CTNNA2: variants seen among roughly 807,000 people sequenced by gnomAD.
CTNNA2 encodes the protein catenin alpha 2, also known as catenin alpha-2.
In CTNNA2, 42 loss-of-function variants were observed where a neutral mutation model predicts 101.0. The ratio of observed to expected loss-of-function variants is 0.42; its 90% CI spans 0.32 to 0.54. CTNNA2 has a LOEUF of 0.54. CTNNA2 is among the 20% of genes least tolerant of loss of function. The pLI is 0.14. For missense variants in CTNNA2, 871 were observed against 1,223.1 expected, an observed-to-expected ratio of 0.71 and a Z score of 4.29; for synonymous variants, 450 against 456.4, an observed-to-expected ratio of 0.99 and a Z score of 0.18.
At chr2:79,445,085 C>T (rs1012483016) in intron 4 of CTNNA2, among the ~76,000 whole-genome samples, 1 of 152,126 alleles carries the variant, frequency 6.6e-6, no homozygotes, top group Non-Finnish European at 1.5e-5. Context: ...GCTAGACAGG[C>T]AGGGTTGAGA....
At chr2:79,766,067 G>A (rs1030549048) in intron 3 of CTNNA2, among the ~76,000 whole-genome samples, 23 of 152,094 alleles carry the variant, frequency 1.5e-4, no homozygotes, top group African/African-American at 5.1e-4. Flanking sequence ...TTTACACACC[G>A]CAGTCAGTGT....
intron 7 of CTNNA2, among the ~76,000 whole-genome samples, chr2:80,052,998 A>T (rs1453808478): frequency 6.6e-6 from 1 of 151,936 alleles, no homozygotes; most frequent in African/African-American, 2.4e-5. Flanking sequence ...TTCCTGCTTC[A>T]TTTGTTCCTT....
At chr2:79,282,816 C>A (rs1339705853) in intron 2 of CTNNA2, among the ~76,000 whole-genome samples, 1 of 109,788 alleles carries the variant, frequency 9.1e-6, no homozygotes, top group South Asian at 3.4e-4. Flanking sequence ...AGTTCTAGAT[C>A]CCTGAGGAAT....
intron 9 of CTNNA2, among the ~76,000 whole-genome samples, chr2:80,423,228 AACTT>A (rs1680691988): frequency 6.6e-6 from 1 of 151,882 alleles, no homozygotes; most frequent in Non-Finnish European, 1.5e-5. Context: ...CTTCCAGTAA[AACTT>A]ACTTCTTCTT....
chr2:80,492,074 C>T (rs776381907), intron 9 of CTNNA2, among the ~76,000 whole-genome samples: 7 of 152,066 alleles, frequency 4.6e-5, no homozygotes, highest in Non-Finnish European at 1.0e-4. Context: ...ACCCAAATCT[C>T]ATGTTGAATT....
chr2:80,359,962 T>C (rs1258609260), intron 7 of CTNNA2, among the ~76,000 whole-genome samples: 1 of 152,184 alleles, frequency 6.6e-6, no homozygotes, highest in African/African-American at 2.4e-5. Context: ...ATTTAATCTG[T>C]CAGTAAATTT....
intron 3 of CTNNA2, among the ~76,000 whole-genome samples, chr2:79,810,252 C>G (rs1226631200): frequency 6.6e-6 from 1 of 151,980 alleles, no homozygotes; most frequent in Admixed American, 6.6e-5. Flanking sequence ...GGTGGGGAGG[C>G]CTCACAATCA....
rs558535520 is a variant in CTNNA2 at position 80,585,297 on chromosome 2, G to T, written c.2007+3478G>T. On this transcript the variant is annotated intron_variant, in intron 14 of 18. Coordinates refer to ENST00000402739, the MANE Select transcript of CTNNA2 (RefSeq NM_001282597.3). ...GTGATTTTCACTTTTAGTGTAATAG[G>T]TATAGTTTATAACAATCACCGAAAA... Among the ~76,000 whole-genome samples, 115 of 152,182 alleles carry T rather than the reference G, an allele frequency of 7.6e-4. 1 individual carries two copies. The South Asian group carries it at 0.023, about 31-fold the overall frequency.
chr2:80,280,469 C>G (rs955719783), intron 7 of CTNNA2, among the ~76,000 whole-genome samples: 1 of 151,652 alleles, frequency 6.6e-6, no homozygotes, highest in Non-Finnish European at 1.5e-5. Context: ...ACATTTCAAT[C>G]AAATATTTCA....
intron 2 of CTNNA2, among the ~76,000 whole-genome samples, chr2:79,679,633 A>T (rs1231930851): frequency 6.6e-6 from 1 of 151,924 alleles, no homozygotes; most frequent in Non-Finnish European, 1.5e-5. Flanking sequence ...GACACCGCCC[A>T]GGGGAGTTAG....
chr2:79,821,235 G>A (rs1452600800), intron 3 of CTNNA2, among the ~76,000 whole-genome samples: 4 of 151,824 alleles, frequency 2.6e-5, no homozygotes, highest in African/African-American at 9.7e-5. Flanking sequence ...TTTAGATGAA[G>A]CCTTGCTCTG....
chr2:79,509,522 C>A (rs207461944), upstream of CTNNA2, among the ~76,000 whole-genome samples: 1 of 152,146 alleles, frequency 6.6e-6, no homozygotes, highest in African/African-American at 2.4e-5. Flanking sequence ...CTACATATTG[C>A]ATGACCCCAA....
intron 7 of CTNNA2, among the ~76,000 whole-genome samples, chr2:80,100,086 T>A (rs548309575): frequency 5.3e-5 from 8 of 151,230 alleles, no homozygotes; most frequent in African/African-American, 2.0e-4. Flanking sequence ...CCTGCCCCTA[T>A]GCCCAGCTAC....
chr2:79,885,125 A>G (rs1683755344), intron 6 of CTNNA2, among the ~76,000 whole-genome samples: 1 of 152,126 alleles, frequency 6.6e-6, no homozygotes, highest in Non-Finnish European at 1.5e-5. Flanking sequence ...AAGAGGTTGC[A>G]GGACCTTTGA....
In CTNNA2 at chr2:80,022,117, A is replaced by G. The variant is rs376848700; in HGVS notation, c.1056+112320A>G. On this transcript the variant is annotated intron_variant, in intron 7 of 18. Transcript: ENST00000402739. ...ATTTTCAAAGCATAAGTGTAAAGAA[A>G]CCTGCAGCTATAGTGCTGACAGCAC... 1.2e-4 allele frequency among the ~76,000 whole-genome samples: 18 copies of G among 152,316 alleles called. No individual in the cohort carries two copies. In the East Asian group the frequency reaches 2.3e-3, roughly 20 times the overall value.
chr2:80,246,036 C>T (rs998382727), intron 7 of CTNNA2, among the ~76,000 whole-genome samples: 46 of 151,902 alleles, frequency 3.0e-4, no homozygotes, highest in African/African-American at 1.0e-3. Flanking sequence ...CCTCGTGATC[C>T]GCCCGCCTGG....
At chr2:80,021,576 T>C (rs1377219912) in intron 7 of CTNNA2, among the ~76,000 whole-genome samples, 4 of 152,212 alleles carry the variant, frequency 2.6e-5, no homozygotes, top group African/African-American at 9.6e-5. Flanking sequence ...TATGGTTACA[T>C]GGCCTAATAG....
chr2:79,337,830 T>A (rs948764806), intron 3 of CTNNA2, among the ~76,000 whole-genome samples: 1 of 152,152 alleles, frequency 6.6e-6, no homozygotes, highest in Admixed American at 6.5e-5. Flanking sequence ...TATTTTGATA[T>A]TTACAAGCTG....
At chr2:80,157,675 C>T (rs1357633372) in intron 7 of CTNNA2, among the ~76,000 whole-genome samples, 2 of 151,974 alleles carry the variant, frequency 1.3e-5, no homozygotes. Context: ...AATTTGCTAA[C>T]ACTTGCTGTG....
Sources: gnomAD v4.1 joint callset for allele counts (sites outside exome capture counted in the v4.1 genomes callset) on GRCh38, gnomAD v4.1.1 for gene constraint, MANE v1.5 for transcripts, NCBI Gene and HGNC (gene_info 2026-07-23, HGNC 2026-07-21) for gene names.